Variants in AOX1 observed in about 807,000 individuals in gnomAD.
The protein encoded by AOX1 is aldehyde oxidase 1, also known as aldehyde oxidase.
In AOX1, 153 loss-of-function variants were observed where a neutral mutation model predicts 169.5. The ratio of observed to expected loss-of-function variants is 0.90; its 90% CI spans 0.79 to 1.03. The LOEUF (loss-of-function observed/expected upper bound fraction) is 1.03, where lower values mean the gene tolerates loss of function less well. Ranked by LOEUF, AOX1 falls within the 50% of genes least tolerant of loss-of-function variation. The pLI is 0.00. For synonymous variants in AOX1, 562 were observed against 581.9 expected, an observed-to-expected ratio of 0.97 and a Z score of 0.49; for missense variants, 1,656 against 1,663.9, an observed-to-expected ratio of 1.00 and a Z score of 0.08.
Position 200,586,159 on chromosome 2 carries a change from C to A in AOX1, c.45+6C>A. 1 of 1,556,404 alleles carries A rather than the reference C, an allele frequency of 6.4e-7. No homozygotes were observed. The highest frequency in any genetic ancestry group is 1.2e-5 in the South Asian group (1 of 84,386). ...TCTACGTGAACGGCCGCAAGGTGAGCGCCCGCGGGCTTCCTCTGCCCCCAG... is the reference window on the plus strand; with the variant it reads ...TCTACGTGAACGGCCGCAAGGTGAGAGCCCGCGGGCTTCCTCTGCCCCCAG... On this transcript the variant is annotated splice_donor_region_variant and intron_variant, in intron 1 of 34. Coordinates refer to ENST00000374700, the MANE Select transcript of AOX1 (RefSeq NM_001159.4).
chr2:200,617,481 CAA>C (rs35035526), intron 16 of AOX1, among the ~76,000 whole-genome samples: 902 of 58,128 alleles, frequency 0.016, 13 homozygotes, highest in African/African-American at 0.048. Context: ...CAACTAACTG[CAA>C]AAAAAAAAAA....
chr2:200,633,380 AT>A (rs1248854007), intron 20 of AOX1, among the ~76,000 whole-genome samples: 2 of 151,414 alleles, frequency 1.3e-5, no homozygotes, highest in Non-Finnish European at 2.9e-5. Flanking sequence ...GGTGCTGTTC[AT>A]TTTTTTTCCA....
intron 25 of AOX1, among the ~76,000 whole-genome samples, chr2:200,645,241 T>G (rs895927136): frequency 6.6e-6 from 1 of 152,206 alleles, no homozygotes; most frequent in Non-Finnish European, 1.5e-5. Context: ...CATTAAGGTA[T>G]GTCCTTTGTA....
intron 16 of AOX1, among the ~76,000 whole-genome samples, chr2:200,620,247 G>A (rs1191064890): frequency 2.0e-5 from 3 of 149,400 alleles, no homozygotes; most frequent in Non-Finnish European, 4.4e-5. Flanking sequence ...CTCCCAGGCC[G>A]GGGTGCAGTG....
At chr2:200,648,976 A>G (rs2035523167) in intron 25 of AOX1, among the ~76,000 whole-genome samples, 2 of 152,064 alleles carry the variant, frequency 1.3e-5, no homozygotes, top group South Asian at 4.2e-4. Flanking sequence ...GCAGGCAGAC[A>G]GTGTGATGGG....
At chr2:200,619,189 A>G (rs2034830555) in intron 16 of AOX1, among the ~76,000 whole-genome samples, 1 of 152,152 alleles carries the variant, frequency 6.6e-6, no homozygotes. Context: ...ATTTTTAACC[A>G]GTATGTGTTG....
At chr2:200,618,181 G>A (rs1387952058) in intron 16 of AOX1, among the ~76,000 whole-genome samples, 4 of 151,986 alleles carry the variant, frequency 2.6e-5, no homozygotes, top group South Asian at 2.1e-4. Context: ...TATTTTTCTC[G>A]ATAGTCTCCT....
chr2:200,633,366 C>G (rs2035166736), intron 20 of AOX1, among the ~76,000 whole-genome samples: 1 of 151,988 alleles, frequency 6.6e-6, no homozygotes, highest in Admixed American at 6.6e-5. Flanking sequence ...CAATGGGTTC[C>G]TGAGGTGCTG....
At chr2:200,678,062 C>T (rs527919746), downstream of AOX1, among the ~76,000 whole-genome samples, 9 of 152,266 alleles carry the variant, frequency 5.9e-5, no homozygotes. Flanking sequence ...TGACTGCTCC[C>T]AAAGTTTGGT....
chr2:200,616,729 A>T (rs1039262831), intron 16 of AOX1, among the ~76,000 whole-genome samples: 1 of 152,214 alleles, frequency 6.6e-6, no homozygotes, highest in African/African-American at 2.4e-5. Context: ...GGTAAAGTGG[A>T]TACAGTTTGG....
rs2035799100 is a variant in AOX1 at position 200,660,473 on chromosome 2, C to A, written c.3375+404C>A. On this transcript the variant is annotated intron_variant, in intron 29 of 34. Coordinates refer to ENST00000374700, the MANE Select transcript of AOX1 (RefSeq NM_001159.4). ...TCTGTAAAAGTAAAAATCATATAAG[C>A]ACTCGTTTAGAAATAGGAAACCAAG... Among the ~76,000 whole-genome samples, 4 of 152,238 alleles carry A rather than the reference C, an allele frequency of 2.6e-5. No individual in the cohort carries two copies. In the South Asian group the frequency reaches 8.3e-4, roughly 32 times the overall value.
At chr2:200,624,353 G>A (rs768962953) in intron 19 of AOX1, among the ~76,000 whole-genome samples, 1 of 152,186 alleles carries the variant, frequency 6.6e-6, no homozygotes, top group Non-Finnish European at 1.5e-5. Context: ...CCAAATTAAT[G>A]ACTGGCAGAG....
At chr2:200,677,405 G>A (rs191508511), downstream of AOX1, among the ~76,000 whole-genome samples, 10 of 152,208 alleles carry the variant, frequency 6.6e-5, no homozygotes, top group Admixed American at 2.0e-4. Flanking sequence ...CTCTTTGCTA[G>A]GATCTTTCTT....
chr2:200,623,768 T>G, intron 18 of AOX1, 93 bp from the exon 19 acceptor site: 1 of 1,576,216 alleles, frequency 6.3e-7, no homozygotes, highest in Non-Finnish European at 8.7e-7. Context: ...CTAGCCCTAC[T>G]GTAATCGAGT....
intron 5 of AOX1, 65 bp from the exon 6 acceptor site, chr2:200,602,219 A>G: frequency 7.4e-7 from 1 of 1,355,782 alleles, no homozygotes; most frequent in Non-Finnish European, 1.0e-6. Flanking sequence ...TTTCCATCAC[A>G]CTCTTGGTAG....
At chr2:200,589,486 C>T (rs909133716) in intron 1 of AOX1, among the ~76,000 whole-genome samples, 5 of 152,092 alleles carry the variant, frequency 3.3e-5, no homozygotes, top group Admixed American at 1.3e-4. Context: ...TGCCACTTGG[C>T]GGGTCTGGGG....
chr2:200,589,609 G>T (rs1273978399), intron 1 of AOX1, among the ~76,000 whole-genome samples: 1 of 144,396 alleles, frequency 6.9e-6, no homozygotes, highest in South Asian at 2.2e-4. Flanking sequence ...CATAGAGAGA[G>T]GTTAGCAGGG....
chr2:200,632,630 A>AT (rs1485672080), intron 20 of AOX1, among the ~76,000 whole-genome samples: 5 of 112,448 alleles, frequency 4.4e-5, no homozygotes, highest in Admixed American at 9.2e-5. Flanking sequence ...AGATTTCTTC[A>AT]TTTAAAAAAA....
intron 16 of AOX1, among the ~76,000 whole-genome samples, chr2:200,620,223 G>A (rs1410084968): frequency 6.9e-6 from 1 of 144,210 alleles, no homozygotes; most frequent in Admixed American, 6.9e-5. Context: ...TTTTTTGATG[G>A]CGTCTTGCTC....
Sources: allele counts gnomAD v4.1 joint callset (sites outside exome capture counted in the v4.1 genomes callset), GRCh38; gene constraint gnomAD v4.1.1; transcripts MANE v1.5; gene names NCBI Gene and HGNC (gene_info 2026-07-23, HGNC 2026-07-21).